AADACL3: variants seen among roughly 807,000 people sequenced by gnomAD.
AADACL3 encodes the protein arylacetamide deacetylase like 3, also known as arylacetamide deacetylase-like 3.
A neutral mutation model predicts 13.6 loss-of-function variants in AADACL3; 13 were observed. The ratio of observed to expected loss-of-function variants is 0.95; its 90% confidence interval spans 0.62 to 1.52. The LOEUF (loss-of-function observed/expected upper bound fraction) is 1.52. Among genes scored for constraint, AADACL3 ranks in the 40% most tolerant of loss-of-function variants. The pLI, the probability that AADACL3 is intolerant of heterozygous loss-of-function variation, is 0.00. For missense variants in AADACL3, 519 were observed against 499.2 expected, an observed-to-expected ratio of 1.04 and a Z score of -0.38; for synonymous variants, 195 against 197.0, an observed-to-expected ratio of 0.99 and a Z score of 0.08.
chr1:12,719,827 C>A, intron 2 of AADACL3, 136 bp downstream of exon 2: 3 of 872,576 alleles, frequency 3.4e-6, no homozygotes, highest in Non-Finnish European at 5.3e-6. Context: ...GTTTGCAGAT[C>A]ATTGAGGGGG....
chr1:12,720,690 T>C (rs879063129), intron 2 of AADACL3, among the ~76,000 whole-genome samples, 193 bp from the exon 3 acceptor site: 3 of 151,600 alleles, frequency 2.0e-5, no homozygotes, highest in Non-Finnish European at 4.4e-5. Context: ...GATTGGAGGG[T>C]GGGCGTCTTA....
chr1:12,719,112 C>T (rs1396178096), intron 1 of AADACL3, among the ~76,000 whole-genome samples: 1 of 152,156 alleles, frequency 6.6e-6, no homozygotes, highest in East Asian at 1.9e-4. Flanking sequence ...GAAGGCCTCC[C>T]TGGAAACAGA....
At position 12,725,329 on chromosome 1, in the gene AADACL3, G is replaced by A. The variant is rs756830705; in HGVS notation, c.557G>A (p.Arg186Gln). The A allele has an allele frequency of 2.8e-5, 45 of 1,614,018 alleles. No homozygotes were observed. Among genetic ancestry groups the A allele is most frequent in the East Asian group, 1.3e-4 (6 of 44,888 alleles). ...GATGCATATGGAGTGGATCCAGCCC[G>A]GGTTGTGGTCTGCGGTGACAGTTTC... ...SLDAYGVDPA[R>Q]VVVCGDSFGG... The change falls in exon 4 of 4, where the codon CGG becomes CAG. Residue 186 changes from arginine to glutamine, a missense_variant. Physicochemically the swap from Arg to Gln is conservative, Grantham distance 43. Coordinates refer to ENST00000359318, the MANE Select transcript of AADACL3 (RefSeq NM_001103170.3).
chr1:12,725,533 T>C lies in AADACL3; in HGVS notation c.761T>C (p.Phe254Ser). Residue 254 changes from phenylalanine (F) to serine (S), a missense_variant, in exon 4 of 4, where the codon TTT becomes TCT. Transcript: ENST00000359318. ...TGGAGTTTCATCTGCTACTTTTTTT[T>C]TCAAAACCTGGATTTCAGCTCCTCC... ...LTWSFICYFF[F>S]QNLDFSSSWQ... 1 of 1,614,162 alleles carries C rather than the reference T, an allele frequency of 6.2e-7. No individual in the cohort carries two copies. Among genetic ancestry groups the C allele is most frequent in the Non-Finnish European group, 8.5e-7 (1 of 1,180,026 alleles).
At chr1:12,720,849 T>A in intron 2 of AADACL3, 34 bp from the exon 3 acceptor site, 6 of 1,587,946 alleles carry the variant, frequency 3.8e-6, no homozygotes, top group Non-Finnish European at 5.2e-6. Context: ...AAGGAAGCCT[T>A]CCTAGTGAAT....
rs75996509 is a variant in AADACL3 at position 12,725,198 on chromosome 1, C to T, written c.450-24C>T. 1,374 of 1,568,938 alleles carry T rather than the reference C, an allele frequency of 8.8e-4. 5 individuals are homozygous for T. In the African/African-American group the frequency reaches 9.4e-3, roughly 11 times the overall value. ...TTTGGATCTGCCGGGGCGTTATCAACTGTGTTTCTTGATTCCTTTTTAGTT... is the reference window on the plus strand; with the variant it reads ...TTTGGATCTGCCGGGGCGTTATCAATTGTGTTTCTTGATTCCTTTTTAGTT... On this transcript the variant is annotated intron_variant, in intron 3 of 3. Transcript: ENST00000359318.
At chr1:12,716,621 T>C (rs2100804445) in intron 1 of AADACL3, among the ~76,000 whole-genome samples, 1 of 152,378 alleles carries the variant, frequency 6.6e-6, no homozygotes, top group East Asian at 1.9e-4. Flanking sequence ...TCTATTCACC[T>C]GAGTGTCTCC....
intron 1 of AADACL3, among the ~76,000 whole-genome samples, chr1:12,717,557 C>T (rs754271925): frequency 2.0e-5 from 3 of 152,154 alleles, no homozygotes; most frequent in Non-Finnish European, 4.4e-5. Context: ...GTGTGTCCTA[C>T]GCCAGTCCTG....
rs777101928 is a variant in AADACL3 at position 12,725,924 on chromosome 1, C to T, written c.1152C>T (p.Asp384=). 2.2e-5 allele frequency: 36 copies of T among 1,614,068 alleles called. No homozygotes were observed. The highest frequency in any genetic ancestry group is 2.7e-5 in the African/African-American group (2 of 74,938). The part of the protein sequence containing the change: ...DGFHGVLRTI[D]MSFLHFPCSM... ...TCCATGGAGTGCTCAGGACCATTGA[C>T]ATGAGCTTCTTGCACTTTCCCTGCT... is the stretch of plus-strand genomic sequence containing the variant. Residue 384 remains aspartate (D), a synonymous_variant, in exon 4 of 4, where the codon GAC becomes GAT. Coordinates refer to ENST00000359318, the MANE Select transcript of AADACL3 (RefSeq NM_001103170.3).
intron 3 of AADACL3, among the ~76,000 whole-genome samples, chr1:12,724,703 C>T (rs577763581): frequency 9.2e-5 from 14 of 152,270 alleles, no homozygotes; most frequent in African/African-American, 3.4e-4. Flanking sequence ...CCAGGCTGGG[C>T]TTGAACTCTT....
rs373728686 is a variant in AADACL3, at chr1:12,725,820, C to T, written c.1048C>T (p.Arg350Trp). The T allele has an allele frequency of 5.5e-5, 88 of 1,614,004 alleles. No homozygotes were observed. The highest frequency in any genetic ancestry group is 2.0e-4 in the South Asian group (18 of 91,090). Residue 350 changes from arginine (R) to tryptophan (W), a missense_variant, in exon 4 of 4, where the codon CGG becomes TGG. By Grantham distance (101) the Arg-to-Trp change is moderately radical. Coordinates refer to ENST00000359318, the MANE Select transcript of AADACL3 (RefSeq NM_001103170.3). Reference sequence around the variant, plus strand: ...CGTGAGCTGTGAGTATGATGCTCTCCGGGACAATTCACTGTTGTACAAGAA... The same window carrying T: ...CGTGAGCTGTGAGTATGATGCTCTCTGGGACAATTCACTGTTGTACAAGAA... Reference protein sequence around the residue: ...CIVSCEYDALRDNSLLYKKRL... With the variant: ...CIVSCEYDALWDNSLLYKKRL...
chr1:12,726,103 G>T lies in AADACL3; in HGVS notation c.*107G>T, dbSNP rs3000930. 3.0e-5 allele frequency: 39 copies of T among 1,293,776 alleles called. No homozygotes were observed. Among genetic ancestry groups the T allele is most frequent in the Non-Finnish European group, 4.1e-5 (39 of 952,512 alleles). 80.1% of individuals were successfully genotyped at this position (1,293,776 alleles called of 1,614,324 possible). On this transcript the variant is annotated 3_prime_UTR_variant, in exon 4 of 4. Coordinates refer to ENST00000359318, the MANE Select transcript of AADACL3 (RefSeq NM_001103170.3). ...GTGGTGCATAGTGGGGCTAGGGAGG[G>T]GGTAGAGGTTGCTGTCACCTTTCTG...
intron 3 of AADACL3, 26 bp downstream of exon 3, chr1:12,720,972 G>A (rs1050464004): frequency 1.9e-6 from 3 of 1,568,128 alleles, no homozygotes; most frequent in East Asian, 2.4e-5. Context: ...ATCCCAGGGA[G>A]CCAGCAAGGA....
chr1:12,723,904 C>T (rs1468989240), intron 3 of AADACL3, among the ~76,000 whole-genome samples: 1 of 148,324 alleles, frequency 6.7e-6, no homozygotes, highest in African/African-American at 2.5e-5. Flanking sequence ...CTGCCTCAGC[C>T]TTCCTGAGTA....
intron 3 of AADACL3, among the ~76,000 whole-genome samples, chr1:12,721,208 C>T (rs1485779442): frequency 1.3e-5 from 2 of 152,054 alleles, no homozygotes; most frequent in African/African-American, 4.8e-5. Flanking sequence ...TTCAGACCAG[C>T]CTGGGCAACA....
chr1:12,717,441 G>C (rs984524989), intron 1 of AADACL3, among the ~76,000 whole-genome samples: 4 of 152,142 alleles, frequency 2.6e-5, no homozygotes, highest in African/African-American at 7.2e-5. Context: ...TCTCCAGAAG[G>C]CTTATTATAA....
rs763283137 is a variant in AADACL3, at chr1:12,725,574, AT to A, written c.803del (p.Met268ArgfsTer34). ...DFSSSWQEVI[M>X]KGAHLPAEVW... ...CAGCTCCTCCTGGCAAGAGGTCATC[AT>A]GAAAGGTGCCCATTTGCCTGCTGAA... On this transcript the variant is annotated frameshift_variant, in exon 4 of 4. Transcript: ENST00000359318. LOFTEE classifies it low-confidence loss of function (END_TRUNC). The A allele has an allele frequency of 6.2e-7, 1 of 1,614,032 alleles. No individual in the cohort carries two copies. Among genetic ancestry groups the A allele is most frequent in the African/African-American group, 1.3e-5 (1 of 74,980 alleles).
intron 1 of AADACL3, among the ~76,000 whole-genome samples, chr1:12,717,487 C>T (rs1221984344): frequency 6.6e-6 from 1 of 152,134 alleles, no homozygotes; most frequent in Non-Finnish European, 1.5e-5. Flanking sequence ...TAAATAGTAG[C>T]CATTGTTACT....
chr1:12,726,038 G>T lies in AADACL3; in HGVS notation c.*42G>T. 6.4e-7 allele frequency: 1 copy of T among 1,562,518 alleles called. No homozygotes were observed. On this transcript the variant is annotated 3_prime_UTR_variant, in exon 4 of 4. Coordinates refer to ENST00000359318, the MANE Select transcript of AADACL3 (RefSeq NM_001103170.3). ...CTGGTACTGCGGTGTGGATTCCACTGGCATCCAGCCTCCCACAGGGCTCTC... is the reference window on the plus strand; with the variant it reads ...CTGGTACTGCGGTGTGGATTCCACTTGCATCCAGCCTCCCACAGGGCTCTC...
Sources: allele counts gnomAD v4.1 joint callset (sites outside exome capture counted in the v4.1 genomes callset), GRCh38; gene constraint gnomAD v4.1.1; transcripts MANE v1.5; gene names NCBI Gene and HGNC (gene_info 2026-07-23, HGNC 2026-07-21).